The following RAD51B variants were observed in gnomAD, a reference collection of about 807,000 sequenced individuals.
The protein encoded by RAD51B is RAD51 paralog B, also known as DNA repair protein RAD51 homolog 2.
RAD51B carries 38 observed loss-of-function variants against 42.2 expected under a neutral mutation model. The observed-to-expected ratio is 0.90, with a 90% CI of 0.70 to 1.18. The LOEUF (loss-of-function observed/expected upper bound fraction) is 1.18, where lower values mean the gene tolerates loss of function less well. Ranked by LOEUF, RAD51B falls within the 50% of genes most tolerant of loss-of-function variation. RAD51B has a pLI of 0.00. For missense variants in RAD51B, 373 were observed against 400.7 expected (o/e 0.93, Z 0.59); for synonymous variants, 154 against 145.2 (o/e 1.06, Z -0.43).
intron 10 of RAD51B, among the ~76,000 whole-genome samples, chr14:68,494,671 TC>T (rs1459704594): frequency 6.6e-6 from 1 of 152,074 alleles, no homozygotes; most frequent in Non-Finnish European, 1.5e-5. Flanking sequence ...CATCTCCAAT[TC>T]CTGCCATATA....
chr14:68,039,814 T>G (rs907467154), intron 7 of RAD51B, among the ~76,000 whole-genome samples: 1 of 152,230 alleles, frequency 6.6e-6, no homozygotes, highest in Non-Finnish European at 1.5e-5. Flanking sequence ...ATGGTTGCTG[T>G]TAAAGGTATG....
intron 10 of RAD51B, among the ~76,000 whole-genome samples, chr14:68,637,171 C>T (rs549862970): frequency 6.6e-6 from 1 of 152,210 alleles, no homozygotes; most frequent in South Asian, 2.1e-4. Context: ...CCTCAAACTC[C>T]CGGCTTCAAG....
rs186564319 is a variant in RAD51B, at chr14:67,928,630, G to A, written c.756+41426G>A. ...GGCCATGACACTTGGTACTTGTGGTGACAAGGAGAAGAGGGCAGCAATCGC... is the reference window on the plus strand; with the variant it reads ...GGCCATGACACTTGGTACTTGTGGTAACAAGGAGAAGAGGGCAGCAATCGC... On this transcript the variant is annotated intron_variant, in intron 7 of 10. Transcript: ENST00000471583. 2.3e-3 allele frequency among the ~76,000 whole-genome samples: 353 copies of A among 152,160 alleles called. 1 individual carries two copies. Among genetic ancestry groups the A allele is most frequent in the African/African-American group, 8.2e-3 (342 of 41,516 alleles).
At chr14:68,029,866 A>T (rs1421976844) in intron 7 of RAD51B, among the ~76,000 whole-genome samples, 2 of 152,370 alleles carry the variant, frequency 1.3e-5, no homozygotes, top group South Asian at 2.1e-4. Flanking sequence ...GTTGAAATTA[A>T]TCCTCGATCT....
chr14:68,370,762 T>G (rs2083237431), intron 8 of RAD51B, among the ~76,000 whole-genome samples: 1 of 151,976 alleles, frequency 6.6e-6, no homozygotes, highest in Admixed American at 6.5e-5. Flanking sequence ...AATGAAGAAT[T>G]GGCCGGGCGC....
At chr14:68,278,314 G>C (rs531674009) in intron 7 of RAD51B, among the ~76,000 whole-genome samples, 1 of 152,296 alleles carries the variant, frequency 6.6e-6, no homozygotes, top group East Asian at 1.9e-4. Context: ...GAATCTATTT[G>C]AAAGAAGGGA....
intron 7 of RAD51B, among the ~76,000 whole-genome samples, chr14:68,163,671 C>T (rs1313734816): frequency 6.6e-6 from 1 of 152,178 alleles, no homozygotes; most frequent in Non-Finnish European, 1.5e-5. Flanking sequence ...TCCTTAGACT[C>T]ACTTGTTTCT....
chr14:68,577,473 G>T (rs1890012612), intron 10 of RAD51B, among the ~76,000 whole-genome samples: 1 of 151,380 alleles, frequency 6.6e-6, no homozygotes, highest in Non-Finnish European at 1.5e-5. Context: ...AATTATTCAT[G>T]TGCTTTTACT....
chr14:68,374,601 T>C (rs1014337623), intron 8 of RAD51B, among the ~76,000 whole-genome samples: 2 of 152,016 alleles, frequency 1.3e-5, no homozygotes, highest in African/African-American at 4.8e-5. Flanking sequence ...AACAACCCTG[T>C]GGTCCTGGTG....
intron 7 of RAD51B, among the ~76,000 whole-genome samples, chr14:67,931,363 T>G (rs1022606203): frequency 2.0e-5 from 3 of 152,176 alleles, no homozygotes; most frequent in African/African-American, 7.2e-5. Flanking sequence ...TGTTTCTTTT[T>G]TATTCTATCA....
intron 7 of RAD51B, among the ~76,000 whole-genome samples, chr14:68,208,567 T>A (rs151324747): frequency 1.1e-3 from 165 of 152,336 alleles, no homozygotes; most frequent in African/African-American, 3.6e-3. Context: ...TTTTAGTTGC[T>A]TTTCTTCACA....
At chr14:68,325,486 G>A (rs1183600163) in intron 8 of RAD51B, among the ~76,000 whole-genome samples, 3 of 152,110 alleles carry the variant, frequency 2.0e-5, no homozygotes, top group African/African-American at 4.8e-5. Flanking sequence ...TCAGTATGAT[G>A]TAGAACATCT....
At chr14:68,388,081 T>TATAG in intron 8 of RAD51B, among the ~76,000 whole-genome samples, 1 of 134,758 alleles carries the variant, frequency 7.4e-6, no homozygotes, top group South Asian at 2.2e-4. Flanking sequence ...TGTGTGTGTA[T>TATAG]ATATATATAT....
At chr14:67,917,104 T>C (rs2044175968) in intron 7 of RAD51B, among the ~76,000 whole-genome samples, 1 of 152,164 alleles carries the variant, frequency 6.6e-6, no homozygotes, top group African/African-American at 2.4e-5. Context: ...GAGTTGAGAA[T>C]AGATTGCAGG....
chr14:67,863,577 G>GT (rs548589931), intron 4 of RAD51B, among the ~76,000 whole-genome samples: 10 of 151,756 alleles, frequency 6.6e-5, no homozygotes, highest in Admixed American at 5.3e-4. Flanking sequence ...GTATGTCTTA[G>GT]TTTTAGCCCA....
At chr14:68,162,297 A>G (rs1181277191) in intron 7 of RAD51B, among the ~76,000 whole-genome samples, 2 of 152,196 alleles carry the variant, frequency 1.3e-5, no homozygotes, top group Admixed American at 1.3e-4. Flanking sequence ...TATTTGTTTT[A>G]TGCAAGTTTA....
chr14:68,651,254 C>T (rs1025984633), intron 11 of RAD51B, among the ~76,000 whole-genome samples: 1 of 152,166 alleles, frequency 6.6e-6, no homozygotes, highest in Non-Finnish European at 1.5e-5. Flanking sequence ...TCACTGCAAC[C>T]TCCACTCCCC....
chr14:68,270,801 G>A (rs1259275459), intron 7 of RAD51B, among the ~76,000 whole-genome samples: 1 of 152,134 alleles, frequency 6.6e-6, no homozygotes, highest in East Asian at 1.9e-4. Flanking sequence ...TGGCAGATGA[G>A]CTATGTGTGT....
rs79606122 is a variant in RAD51B at position 67,976,406 on chromosome 14, C to T, written c.756+89202C>T. ...ATGCTGGAATTACAGGTGTGAGCCA[C>T]TCCACTTGGCTCAACTCTAGTTTTT... On this transcript the variant is annotated intron_variant, in intron 7 of 10. Coordinates refer to ENST00000471583, the MANE Select transcript of RAD51B (RefSeq NM_133510.4). Among the ~76,000 whole-genome samples the T allele has an allele frequency of 3.2e-3, 490 of 152,004 alleles. 3 individuals carry two copies. The highest frequency in any genetic ancestry group is 0.011 in the African/African-American group (462 of 41,528).
Sources: gnomAD v4.1 joint callset for allele counts (sites outside exome capture counted in the v4.1 genomes callset) on GRCh38, gnomAD v4.1.1 for gene constraint, MANE v1.5 for transcripts, NCBI Gene and HGNC (gene_info 2026-07-23, HGNC 2026-07-21) for gene names.